TSHZ2: variants seen among roughly 807,000 people sequenced by gnomAD.
TSHZ2 encodes the protein teashirt zinc finger homeobox 2.
Under a neutral mutation model 74.4 loss-of-function variants are expected in TSHZ2, and 21 were observed. That is an observed-to-expected ratio of 0.28 (90% confidence interval 0.20 to 0.41). The LOEUF (loss-of-function observed/expected upper bound fraction) is 0.41, where lower values mean the gene tolerates loss of function less well. Among genes scored for constraint, TSHZ2 ranks in the 10% least tolerant of loss-of-function variants. The probability of loss-of-function intolerance (pLI) is 1.00; values close to 1 mark genes in which losing one functional copy is unlikely to be tolerated. For missense variants in TSHZ2, 1,244 were observed against 1,293.5 expected, an observed-to-expected ratio of 0.96 and a Z score of 0.59; for synonymous variants, 540 against 515.3, an observed-to-expected ratio of 1.05 and a Z score of -0.65.
At chr20:53,183,405 C>T (rs888626707) in intron 1 of TSHZ2, among the ~76,000 whole-genome samples, 3 of 152,150 alleles carry the variant, frequency 2.0e-5, no homozygotes, top group Non-Finnish European at 4.4e-5. Context: ...TTAGCCTGGC[C>T]CATTCCCTTT....
intron 1 of TSHZ2, among the ~76,000 whole-genome samples, chr20:53,105,600 T>C (rs1375022530): frequency 6.6e-6 from 1 of 152,124 alleles, no homozygotes; most frequent in Non-Finnish European, 1.5e-5. Flanking sequence ...ACCAATCCCA[T>C]AGAGTTCTCT....
At chr20:53,146,517 G>A (rs1987544090) in intron 1 of TSHZ2, among the ~76,000 whole-genome samples, 2 of 152,228 alleles carry the variant, frequency 1.3e-5, no homozygotes, top group Admixed American at 1.3e-4. Context: ...CCTTCAGGAT[G>A]TGGCTCAGGA....
At chr20:53,321,726 G>A (rs1362470624) in intron 2 of TSHZ2, among the ~76,000 whole-genome samples, 1 of 146,652 alleles carries the variant, frequency 6.8e-6, no homozygotes, top group African/African-American at 2.5e-5. Flanking sequence ...GCCAGCAGAT[G>A]ACAAATTGAG....
At chr20:53,401,640 C>T (rs550576661) in intron 2 of TSHZ2, among the ~76,000 whole-genome samples, 4 of 151,310 alleles carry the variant, frequency 2.6e-5, no homozygotes, top group Non-Finnish European at 4.4e-5. Context: ...TGAGAACATA[C>T]GATGTGTGGT....
At chr20:53,313,058 G>A (rs1056525614) in intron 2 of TSHZ2, among the ~76,000 whole-genome samples, 3 of 152,190 alleles carry the variant, frequency 2.0e-5, no homozygotes, top group African/African-American at 4.8e-5. Context: ...AGAGACACCT[G>A]TCCAAAAAAT....
At chr20:53,237,301 G>T (rs953068476) in intron 1 of TSHZ2, among the ~76,000 whole-genome samples, 1 of 152,124 alleles carries the variant, frequency 6.6e-6, no homozygotes, top group Non-Finnish European at 1.5e-5. Context: ...ACAGTTTTTT[G>T]TGTGTGTTTG....
chr20:53,175,584 A>G lies in TSHZ2; in HGVS notation c.41-77915A>G, dbSNP rs1379832664. The stretch of plus-strand genomic sequence containing the variant: ...GCTTTCAGAGCATGCACACATTGTT[A>G]TCTTGTCTGTTCGAGGGAAGTCAGG... On this transcript the variant is annotated intron_variant, in intron 1 of 2. Coordinates refer to ENST00000371497, the MANE Select transcript of TSHZ2 (RefSeq NM_173485.6). 2.0e-5 allele frequency among the ~76,000 whole-genome samples: 3 copies of G among 152,172 alleles called. No individual in the cohort carries two copies. In the East Asian group the frequency reaches 5.8e-4, roughly 29 times the overall value.
chr20:52,982,800 T>G (rs1200637854), intron 1 of TSHZ2, among the ~76,000 whole-genome samples: 1 of 152,126 alleles, frequency 6.6e-6, no homozygotes, highest in Non-Finnish European at 1.5e-5. Context: ...GGGGAGCTAT[T>G]TCTCCAGTGG....
intron 1 of TSHZ2, among the ~76,000 whole-genome samples, chr20:53,204,407 CATGATGATATGATACTATTATATCATAAT>C (rs1989111071): frequency 2.3e-5 from 3 of 132,148 alleles, no homozygotes; most frequent in Admixed American, 7.3e-5. Context: ...CATCATATAA[CATGATGATATGATACTATTATATCATAAT>C]ATGATATAAT....
chr20:53,298,297 A>G (rs1991420028), intron 2 of TSHZ2, among the ~76,000 whole-genome samples: 1 of 152,230 alleles, frequency 6.6e-6, no homozygotes, highest in African/African-American at 2.4e-5. Context: ...GTAAACAAAA[A>G]TAAACACAAA....
chr20:53,002,659 A>G (rs1281680084), intron 1 of TSHZ2, among the ~76,000 whole-genome samples: 2 of 151,950 alleles, frequency 1.3e-5, no homozygotes, highest in East Asian at 3.8e-4. Context: ...AAATAAATTT[A>G]TAAAAAAGAA....
chr20:53,388,963 C>T (rs368978232), intron 2 of TSHZ2, among the ~76,000 whole-genome samples: 15 of 152,180 alleles, frequency 9.9e-5, no homozygotes, highest in African/African-American at 3.6e-4. Context: ...TATTTAGCTA[C>T]TTTCACTTAT....
At chr20:53,107,096 G>T (rs1334103666) in intron 1 of TSHZ2, among the ~76,000 whole-genome samples, 1 of 152,088 alleles carries the variant, frequency 6.6e-6, no homozygotes, top group Non-Finnish European at 1.5e-5. Context: ...GGGTCCTGGT[G>T]CCCAGAACAG....
intron 1 of TSHZ2, among the ~76,000 whole-genome samples, chr20:53,222,788 C>A (rs978670544): frequency 2.0e-5 from 3 of 152,156 alleles, no homozygotes; most frequent in Non-Finnish European, 4.4e-5. Flanking sequence ...CAGGTGGGAT[C>A]CAATCAAATA....
intron 1 of TSHZ2, among the ~76,000 whole-genome samples, chr20:53,246,191 A>C (rs984047033): frequency 2.6e-5 from 4 of 151,714 alleles, no homozygotes; most frequent in African/African-American, 9.7e-5. Context: ...ACAGGCATGC[A>C]CCACCACACC....
intron 1 of TSHZ2, among the ~76,000 whole-genome samples, chr20:53,161,104 C>A (rs1236111364): frequency 1.0e-5 from 1 of 99,246 alleles, no homozygotes. Flanking sequence ...TTGTACATGA[C>A]AGAAACCAAC....
chr20:53,206,620 A>G (rs2123596506), intron 1 of TSHZ2: 1 of 152,302 alleles, frequency 6.6e-6, no homozygotes. Flanking sequence ...ATGTAAAAAC[A>G]TTTGAAGAGT....
At chr20:53,352,832 G>A (rs938224514) in intron 2 of TSHZ2, among the ~76,000 whole-genome samples, 1 of 151,602 alleles carries the variant, frequency 6.6e-6, no homozygotes, top group South Asian at 2.1e-4. Flanking sequence ...ATCAACTTCG[G>A]AGAGGAAAGA....
chr20:53,121,373 A>G (rs1000677428), intron 1 of TSHZ2, among the ~76,000 whole-genome samples: 1 of 152,200 alleles, frequency 6.6e-6, no homozygotes, highest in Non-Finnish European at 1.5e-5. Flanking sequence ...GGCAGTGGGC[A>G]AGATATATAT....
Sources: gnomAD v4.1 joint callset for allele counts (sites outside exome capture counted in the v4.1 genomes callset) on GRCh38, gnomAD v4.1.1 for gene constraint, MANE v1.5 for transcripts, NCBI Gene and HGNC (gene_info 2026-07-23, HGNC 2026-07-21) for gene names.